The following ANKHD1 variants were observed in gnomAD, a reference collection of about 807,000 sequenced individuals.
The protein encoded by ANKHD1 is ankyrin repeat and KH domain containing 1, also known as ankyrin repeat and KH domain-containing protein 1.
Under a neutral mutation model 230.5 loss-of-function variants are expected in ANKHD1, and 31 were observed. The ratio of observed to expected loss-of-function variants is 0.13; its 90% CI spans 0.10 to 0.18. ANKHD1 has a LOEUF of 0.18. ANKHD1 is among the 10% of genes least tolerant of loss of function. ANKHD1 has a pLI of 1.00. For missense variants in ANKHD1, 2,256 were observed against 3,071.3 expected, an observed-to-expected ratio of 0.73 and a Z score of 6.27; for synonymous variants, 1,074 against 1,117.6, an observed-to-expected ratio of 0.96 and a Z score of 0.78.
chr5:140,419,006 T>C (rs1273479645), intron 1 of ANKHD1, among the ~76,000 whole-genome samples: 1 of 152,222 alleles, frequency 6.6e-6, no homozygotes, highest in Non-Finnish European at 1.5e-5. Flanking sequence ...GCTGGAGTTA[T>C]AGGCATGAGC....
At position 140,511,973 on chromosome 5, in the gene ANKHD1, C is replaced by T. The variant is rs539213951; in HGVS notation, c.4105-855C>T. 7.9e-5 allele frequency among the ~76,000 whole-genome samples: 12 copies of T among 152,236 alleles called. No homozygotes were observed. In the East Asian group the frequency reaches 2.3e-3, roughly 29 times the overall value. ...TATGCTGGCCGGGTGCGGTGGCTCA[C>T]GCCCATAATCCCAGCACTTTGGGAG... On this transcript the variant is annotated intron_variant, in intron 22 of 33. Transcript: ENST00000360839.
At chr5:140,514,621 T>C (rs1052647142) in intron 24 of ANKHD1, among the ~76,000 whole-genome samples, 2 of 152,198 alleles carry the variant, frequency 1.3e-5, no homozygotes, top group East Asian at 3.8e-4. Flanking sequence ...TGACCTGTCA[T>C]TCAAAAAAAT....
In ANKHD1 at chr5:140,449,288, T is replaced by A. The variant is rs766906862; in HGVS notation, c.1225T>A (p.Leu409Ile). 1.2e-5 allele frequency: 20 copies of A among 1,613,542 alleles called. No individual in the cohort carries two copies. The highest frequency in any genetic ancestry group is 1.6e-5 in the Non-Finnish European group (19 of 1,179,688). Reference sequence around the variant, plus strand: ...CAAAACAGATGAGATGCACACTGCCTTAATGGAGGCCTGCATGGTAATTTT... The same window carrying A: ...CAAAACAGATGAGATGCACACTGCCATAATGGAGGCCTGCATGGTAATTTT... Reference protein sequence around the residue: ...EHKTDEMHTALMEACMDGHVE... With the variant: ...EHKTDEMHTAIMEACMDGHVE... The change falls in exon 7 of 34, where the codon TTA becomes ATA. Residue 409 changes from leucine (L) to isoleucine (I), a missense_variant. Physicochemically the swap from Leu to Ile is conservative, Grantham distance 5. Coordinates refer to ENST00000360839, the MANE Select transcript of ANKHD1 (RefSeq NM_017747.3).
At chr5:140,428,706 A>C (rs1440183901) in intron 1 of ANKHD1, among the ~76,000 whole-genome samples, 1 of 152,218 alleles carries the variant, frequency 6.6e-6, no homozygotes, top group Admixed American at 6.5e-5. Context: ...TCATAGCTCC[A>C]GTTGAAATTC....
At chr5:140,496,315 G>C (rs1256297530) in intron 14 of ANKHD1, among the ~76,000 whole-genome samples, 1 of 151,972 alleles carries the variant, frequency 6.6e-6, no homozygotes, top group East Asian at 1.9e-4. Flanking sequence ...AGTTTGTGCT[G>C]CTTGAAATAG....
At chr5:140,514,644 C>T (rs1484247617) in intron 24 of ANKHD1, among the ~76,000 whole-genome samples, 1 of 152,072 alleles carries the variant, frequency 6.6e-6, no homozygotes, top group East Asian at 1.9e-4. Context: ...ATTTTGAGCC[C>T]AAATATAAGG....
Position 140,528,895 on chromosome 5 carries a change from T to C in ANKHD1, c.5949T>C (p.Cys1983=), listed in dbSNP as rs1448644604. ...ATVISSVTST[C]SSLPSVSSAP... ...TGATTTCTTCTGTGACAAGCACTTGTAGTTCCCTGCCTTCTGTCTCCTCTG... is the reference window on the plus strand; with the variant it reads ...TGATTTCTTCTGTGACAAGCACTTGCAGTTCCCTGCCTTCTGTCTCCTCTG... The change falls in exon 29 of 34, where the codon TGT becomes TGC. Residue 1983 remains cysteine, a synonymous_variant. Coordinates refer to ENST00000360839, the MANE Select transcript of ANKHD1 (RefSeq NM_017747.3). The C allele has an allele frequency of 6.2e-7, 1 of 1,614,224 alleles. No individual in the cohort carries two copies. Among genetic ancestry groups the C allele is most frequent in the Non-Finnish European group, 8.5e-7 (1 of 1,180,038 alleles).
chr5:140,498,967 T>TACAAA (rs1453425265), intron 15 of ANKHD1, among the ~76,000 whole-genome samples: 2 of 152,068 alleles, frequency 1.3e-5, no homozygotes, highest in Admixed American at 1.3e-4. Flanking sequence ...TTACAAAGTT[T>TACAAA]GCATGAAACT....
chr5:140,461,379 A>C (rs1383186648), intron 9 of ANKHD1, among the ~76,000 whole-genome samples: 3 of 152,174 alleles, frequency 2.0e-5, no homozygotes, highest in Non-Finnish European at 4.4e-5. Flanking sequence ...AATCACTTTT[A>C]TGTGATCACT....
chr5:140,491,107 T>C (rs184747674), intron 14 of ANKHD1, among the ~76,000 whole-genome samples: 682 of 55,050 alleles, frequency 0.012, 9 homozygotes, highest in East Asian at 0.1. Context: ...TATATATATA[T>C]ACACACACAC....
chr5:140,403,542 GC>G (rs1177616868), intron 1 of ANKHD1, among the ~76,000 whole-genome samples: 4 of 152,066 alleles, frequency 2.6e-5, no homozygotes, highest in African/African-American at 7.2e-5. Flanking sequence ...CTCCTGAGTA[GC>G]TGGGACTACA....
chr5:140,421,786 G>A (rs879798565), intron 1 of ANKHD1, among the ~76,000 whole-genome samples: 16 of 152,138 alleles, frequency 1.1e-4, no homozygotes, highest in Non-Finnish European at 1.6e-4. Context: ...TTTGGTACCT[G>A]TCTTACTTGG....
chr5:140,490,370 A>G (rs1399181369), intron 14 of ANKHD1, among the ~76,000 whole-genome samples: 2 of 152,064 alleles, frequency 1.3e-5, no homozygotes, highest in Admixed American at 1.3e-4. Context: ...TTCTACTCAG[A>G]TATTCTTTTC....
intron 20 of ANKHD1, 122 bp from the exon 21 acceptor site, chr5:140,509,515 T>TAG: frequency 8.3e-7 from 1 of 1,210,876 alleles, no homozygotes. Flanking sequence ...TAATCAGAAC[T>TAG]AGAATTGTCT....
chr5:140,537,049 G>T, intron 30 of ANKHD1: 2 of 164,982 alleles, frequency 1.2e-5, no homozygotes, highest in Non-Finnish European at 1.3e-5. Flanking sequence ...TGACAGTAAT[G>T]TTTTGAGCAG....
intron 1 of ANKHD1, among the ~76,000 whole-genome samples, chr5:140,416,792 C>T (rs1028997735): frequency 2.0e-5 from 3 of 150,928 alleles, no homozygotes; most frequent in Admixed American, 2.0e-4. Context: ...ACCTGTTCTT[C>T]TTTTTTAAGA....
intron 1 of ANKHD1, among the ~76,000 whole-genome samples, chr5:140,429,074 C>T (rs1166555405): frequency 6.6e-6 from 1 of 150,914 alleles, no homozygotes; most frequent in African/African-American, 2.4e-5. Flanking sequence ...GCATAAGCTA[C>T]CATGCCCGGC....
At chr5:140,459,011 T>TATATATATATGC (rs1561755760) in intron 8 of ANKHD1, 149 bp downstream of exon 8, 5 of 93,054 alleles carry the variant, frequency 5.4e-5, no homozygotes, top group African/African-American at 2.0e-4. Flanking sequence ...TATATATATA[T>TATATATATATGC]ATATATATAT....
chr5:140,475,157 A>C (rs1750894153), intron 10 of ANKHD1, among the ~76,000 whole-genome samples: 1 of 152,204 alleles, frequency 6.6e-6, no homozygotes, highest in African/African-American at 2.4e-5. Context: ...ATATAAGTAC[A>C]AATGACTTCA....
Sources: allele counts gnomAD v4.1 joint callset (sites outside exome capture counted in the v4.1 genomes callset), GRCh38; gene constraint gnomAD v4.1.1; transcripts MANE v1.5; gene names NCBI Gene and HGNC (gene_info 2026-07-23, HGNC 2026-07-21).